Variants in AGBL4 observed in about 807,000 individuals in gnomAD.
The protein encoded by AGBL4 is cytosolic carboxypeptidase 6.
Under a neutral mutation model 66.4 loss-of-function variants are expected in AGBL4, and 58 were observed. The observed-to-expected ratio is 0.87, with a 90% CI of 0.71 to 1.09. The LOEUF (loss-of-function observed/expected upper bound fraction) is 1.09. Ranked by LOEUF, AGBL4 falls within the 50% of genes least tolerant of loss-of-function variation. AGBL4 has a pLI of 0.00. For synonymous variants in AGBL4, 234 were observed against 222.9 expected, an observed-to-expected ratio of 1.05 and a Z score of -0.44; for missense variants, 579 against 631.0, an observed-to-expected ratio of 0.92 and a Z score of 0.88.
At chr1:49,137,144 T>C (rs1435062012) in intron 4 of AGBL4, among the ~76,000 whole-genome samples, 1 of 152,170 alleles carries the variant, frequency 6.6e-6, no homozygotes, top group Non-Finnish European at 1.5e-5. Context: ...TAATAAAGTT[T>C]CTATGCTATA....
chr1:49,196,465 G>A (rs2148219483), intron 4 of AGBL4, among the ~76,000 whole-genome samples: 1 of 152,202 alleles, frequency 6.6e-6, no homozygotes, highest in East Asian at 1.9e-4. Flanking sequence ...GCACCTCATT[G>A]AGATTCTCTG....
intron 4 of AGBL4, among the ~76,000 whole-genome samples, chr1:49,216,936 A>G (rs1279164756): frequency 6.6e-6 from 1 of 152,116 alleles, no homozygotes; most frequent in South Asian, 2.1e-4. Flanking sequence ...TCCTTTGCCC[A>G]TTCACTGGGA....
intron 5 of AGBL4, among the ~76,000 whole-genome samples, chr1:48,923,626 C>T (rs1654278268): frequency 1.3e-5 from 2 of 152,220 alleles, no homozygotes; most frequent in Admixed American, 6.5e-5. Flanking sequence ...TTAGAACATA[C>T]AGCCCCAGTA....
At chr1:49,324,227 T>G (rs902223426) in intron 3 of AGBL4, among the ~76,000 whole-genome samples, 1 of 152,222 alleles carries the variant, frequency 6.6e-6, no homozygotes, top group Non-Finnish European at 1.5e-5. Flanking sequence ...AGAGAATGTC[T>G]TCTGAAGAAA....
intron 4 of AGBL4, among the ~76,000 whole-genome samples, chr1:49,115,280 A>G (rs536981898): frequency 3.9e-5 from 6 of 152,204 alleles, no homozygotes; most frequent in Non-Finnish European, 8.8e-5. Context: ...CAAAATATCA[A>G]TACAAAGGCT....
At chr1:49,902,450 T>C in intron 1 of AGBL4, among the ~76,000 whole-genome samples, 1 of 152,090 alleles carries the variant, frequency 6.6e-6, no homozygotes, top group East Asian at 1.9e-4. Context: ...TACTAATCAT[T>C]AGAGAAATGC....
At chr1:49,372,477 C>A (rs1644366966) in intron 3 of AGBL4, among the ~76,000 whole-genome samples, 1 of 152,088 alleles carries the variant, frequency 6.6e-6, no homozygotes, top group African/African-American at 2.4e-5. Context: ...ATCTTGGGAA[C>A]TTTGTTCATG....
intron 9 of AGBL4, among the ~76,000 whole-genome samples, chr1:48,610,265 C>T (rs1645216617): frequency 6.6e-6 from 1 of 152,206 alleles, no homozygotes; most frequent in Non-Finnish European, 1.5e-5. Flanking sequence ...CTGTGTCTAA[C>T]TCTGCATCCC....
In AGBL4 at chr1:48,730,506, A is replaced by C. The variant is rs77104081; in HGVS notation, c.635-67265T>G. On this transcript the variant is annotated intron_variant, in intron 6 of 13. Transcript: ENST00000371839. ...GCAGGTAAAGTGGCAAAGGAGACAG[A>C]AGGAGAAGGCAGGAGAGTGGGTGTG... Among the ~76,000 whole-genome samples, 1,161 of 152,262 alleles carry C rather than the reference A, an allele frequency of 7.6e-3. 16 individuals are homozygous for C. The highest frequency in any genetic ancestry group is 0.025 in the East Asian group (130 of 5,178).
At chr1:49,225,677 G>A (rs1436243891) in intron 4 of AGBL4, among the ~76,000 whole-genome samples, 1 of 152,204 alleles carries the variant, frequency 6.6e-6, no homozygotes, top group Non-Finnish European at 1.5e-5. Context: ...TTAATTTTCA[G>A]TAGGCAAACT....
intron 5 of AGBL4, among the ~76,000 whole-genome samples, chr1:48,942,844 T>C (rs1310897701): frequency 1.3e-5 from 2 of 152,200 alleles, no homozygotes; most frequent in Non-Finnish European, 2.9e-5. Context: ...AAAATGAGGA[T>C]AGTACTAACT....
intron 4 of AGBL4, among the ~76,000 whole-genome samples, chr1:49,075,775 T>C (rs1644697619): frequency 6.6e-6 from 1 of 152,184 alleles, no homozygotes; most frequent in Non-Finnish European, 1.5e-5. Context: ...TACAATAAAA[T>C]AGAAAAGTAC....
chr1:49,870,164 G>A (rs1370791675), intron 1 of AGBL4, among the ~76,000 whole-genome samples: 1 of 152,034 alleles, frequency 6.6e-6, no homozygotes, highest in Non-Finnish European at 1.5e-5. Context: ...AACTGGATAG[G>A]AAATCACACA....
chr1:49,308,469 C>A (rs1383914199), intron 3 of AGBL4, among the ~76,000 whole-genome samples: 1 of 151,602 alleles, frequency 6.6e-6, no homozygotes, highest in Non-Finnish European at 1.5e-5. Flanking sequence ...TCAGGGTGAC[C>A]TTAGAAGATT....
intron 12 of AGBL4, among the ~76,000 whole-genome samples, chr1:48,537,650 G>C (rs564100497): frequency 6.6e-6 from 1 of 152,148 alleles, no homozygotes; most frequent in Non-Finnish European, 1.5e-5. Context: ...AGGTCTCCCT[G>C]AGTGTCAGCA....
At chr1:48,961,302 G>A (rs1657957692) in intron 5 of AGBL4, among the ~76,000 whole-genome samples, 1 of 152,164 alleles carries the variant, frequency 6.6e-6, no homozygotes, top group South Asian at 2.1e-4. Context: ...AGTGGCAGCT[G>A]GCTCCTGAAA....
chr1:49,379,119 C>T (rs769875946), intron 3 of AGBL4, among the ~76,000 whole-genome samples: 2 of 152,028 alleles, frequency 1.3e-5, no homozygotes, highest in Admixed American at 6.6e-5. Flanking sequence ...GGGGTCTAAA[C>T]TCAAGAGCAT....
rs190012373 is a variant in AGBL4 at position 49,071,218 on chromosome 1, A to T, written c.378-25418T>A. Among the ~76,000 whole-genome samples the T allele has an allele frequency of 4.0e-4, 61 of 151,632 alleles. 2 individuals carry two copies. Among genetic ancestry groups the T allele is most frequent in the African/African-American group, 1.4e-3 (56 of 41,140 alleles). ...AGCTCCTGGGTTCATTGATTTTTTG[A>T]AGGGTTTTTTGTGTCTCTATCTCCT... On this transcript the variant is annotated intron_variant, in intron 4 of 13. Transcript: ENST00000371839.
At chr1:49,635,353 G>A (rs1046124726) in intron 3 of AGBL4, among the ~76,000 whole-genome samples, 5 of 151,860 alleles carry the variant, frequency 3.3e-5, no homozygotes, top group Non-Finnish European at 7.4e-5. Context: ...CTTTTAAACC[G>A]GACCTAAAAA....
Sources: gnomAD v4.1 joint callset for allele counts (sites outside exome capture counted in the v4.1 genomes callset) on GRCh38, gnomAD v4.1.1 for gene constraint, MANE v1.5 for transcripts, NCBI Gene and HGNC (gene_info 2026-07-23, HGNC 2026-07-21) for gene names.